Variants in GPC6 observed in about 807,000 individuals in gnomAD.
GPC6 encodes glypican 6, also known as glypican-6.
Under a neutral mutation model 55.2 loss-of-function variants are expected in GPC6, and 14 were observed. That is an observed-to-expected ratio of 0.25 (90% CI 0.17 to 0.40). The LOEUF (loss-of-function observed/expected upper bound fraction) is 0.40, where lower values mean the gene tolerates loss of function less well. GPC6 is among the 10% of genes least tolerant of loss of function. The pLI, the probability that GPC6 is intolerant of heterozygous loss-of-function variation, is 1.00. For synonymous variants in GPC6, 278 were observed against 259.6 expected (o/e 1.07, Z -0.68); for missense variants, 641 against 708.5 (o/e 0.90, Z 1.08).
At chr13:93,293,846 C>T (rs767633518) in intron 1 of GPC6, among the ~76,000 whole-genome samples, 1 of 151,250 alleles carries the variant, frequency 6.6e-6, no homozygotes, top group Non-Finnish European at 1.5e-5. Flanking sequence ...TCATTTCCTT[C>T]TAAGCATCTC....
At chr13:93,499,043 T>G (rs1880416414) in intron 1 of GPC6, among the ~76,000 whole-genome samples, 1 of 151,936 alleles carries the variant, frequency 6.6e-6, no homozygotes, top group African/African-American at 2.4e-5. Context: ...GAAATGTATT[T>G]GAGTAAGGAA....
intron 1 of GPC6, among the ~76,000 whole-genome samples, chr13:93,312,106 T>C (rs1031641113): frequency 2.0e-5 from 3 of 152,330 alleles, no homozygotes; most frequent in Admixed American, 6.5e-5. Context: ...ATCTATCTTA[T>C]GTGAAATTGG....
intron 4 of GPC6, among the ~76,000 whole-genome samples, chr13:94,099,423 G>A (rs1885775265): frequency 6.6e-6 from 1 of 151,906 alleles, no homozygotes; most frequent in African/African-American, 2.4e-5. Flanking sequence ...GGTATTTTTT[G>A]CATATTATGG....
At chr13:93,396,085 G>T (rs1361593837) in intron 1 of GPC6, among the ~76,000 whole-genome samples, 1 of 152,054 alleles carries the variant, frequency 6.6e-6, no homozygotes, top group East Asian at 1.9e-4. Context: ...TGACCTACTG[G>T]TATCAACATT....
At chr13:94,010,886 A>G (rs1387743014) in intron 3 of GPC6, among the ~76,000 whole-genome samples, 5 of 152,170 alleles carry the variant, frequency 3.3e-5, no homozygotes, top group South Asian at 2.1e-4. Flanking sequence ...AGGATTTTTC[A>G]TAGGAAAATG....
intron 4 of GPC6, among the ~76,000 whole-genome samples, chr13:94,241,904 A>T (rs1891064113): frequency 2.0e-5 from 3 of 150,934 alleles, no homozygotes; most frequent in Non-Finnish European, 3.0e-5. Context: ...TTTTCTTTTT[A>T]ATGTATTTTT....
chr13:93,607,277 G>A (rs1203033888), intron 2 of GPC6, among the ~76,000 whole-genome samples: 1 of 152,024 alleles, frequency 6.6e-6, no homozygotes, highest in African/African-American at 2.4e-5. Flanking sequence ...AATTTGCTTT[G>A]GGAGCAAAAA....
intron 2 of GPC6, among the ~76,000 whole-genome samples, chr13:93,557,487 A>G (rs543400659): frequency 6.6e-6 from 1 of 152,336 alleles, no homozygotes; most frequent in East Asian, 1.9e-4. Context: ...AGATAAAAAC[A>G]TACAATAAGA....
intron 4 of GPC6, among the ~76,000 whole-genome samples, chr13:94,221,789 G>A (rs1255690714): frequency 1.3e-5 from 2 of 152,044 alleles, no homozygotes; most frequent in African/African-American, 4.8e-5. Context: ...TGATTAACAA[G>A]AGGAAAGCTC....
chr13:93,539,904 T>A (rs1322731958), intron 1 of GPC6, among the ~76,000 whole-genome samples: 2 of 152,094 alleles, frequency 1.3e-5, no homozygotes, highest in African/African-American at 4.8e-5. Flanking sequence ...TTGGTCAGGC[T>A]GGTCTCAAAC....
intron 4 of GPC6, among the ~76,000 whole-genome samples, chr13:94,099,079 A>G (rs1885760873): frequency 6.6e-6 from 1 of 152,170 alleles, no homozygotes; most frequent in Non-Finnish European, 1.5e-5. Flanking sequence ...ACTAATTCAC[A>G]GAGACTCTTT....
intron 7 of GPC6, among the ~76,000 whole-genome samples, chr13:94,384,546 TA>T (rs754743533): frequency 1.3e-4 from 20 of 149,116 alleles, no homozygotes; most frequent in Non-Finnish European, 2.6e-4. Context: ...CAAAAGGAAA[TA>T]TTTTTTTAAA....
chr13:93,426,523 G>T (rs61964168), intron 1 of GPC6, among the ~76,000 whole-genome samples: 5 of 151,634 alleles, frequency 3.3e-5, no homozygotes, highest in Non-Finnish European at 5.9e-5. Context: ...TTACTGAGAA[G>T]GATGATTTCC....
At chr13:93,224,607 T>C (rs550564022), upstream of GPC6, among the ~76,000 whole-genome samples, 4 of 152,340 alleles carry the variant, frequency 2.6e-5, no homozygotes, top group Admixed American at 2.0e-4. Context: ...CTAAACCAGA[T>C]GCCTGCTCCT....
At chr13:93,652,125 C>A (rs1880446242) in intron 2 of GPC6, among the ~76,000 whole-genome samples, 1 of 152,188 alleles carries the variant, frequency 6.6e-6, no homozygotes, top group Non-Finnish European at 1.5e-5. Context: ...TTTCCAATAA[C>A]TTGTTCACAA....
chr13:93,306,062 A>G (rs1351724191), intron 1 of GPC6, among the ~76,000 whole-genome samples: 1 of 152,230 alleles, frequency 6.6e-6, no homozygotes, highest in Non-Finnish European at 1.5e-5. Flanking sequence ...TAATCCACAG[A>G]GTTTATAACA....
chr13:94,387,037 T>C (rs1330675524), intron 7 of GPC6, among the ~76,000 whole-genome samples: 1 of 152,246 alleles, frequency 6.6e-6, no homozygotes, highest in Non-Finnish European at 1.5e-5. Context: ...AAAGCTGTTA[T>C]TAAGTAATGG....
At chr13:93,583,637 A>G (rs7994358) in intron 2 of GPC6, among the ~76,000 whole-genome samples, 9,478 of 152,164 alleles carry the variant, frequency 0.062, 946 homozygotes, top group African/African-American at 0.21. Flanking sequence ...AGCTGGTCTC[A>G]AGCTCCTGAC....
chr13:94,198,272 G>T (rs1889642925), intron 4 of GPC6, among the ~76,000 whole-genome samples: 1 of 152,110 alleles, frequency 6.6e-6, no homozygotes, highest in South Asian at 2.1e-4. Flanking sequence ...CCTAATGCAG[G>T]TAATGGATTG....
Sources: allele counts gnomAD v4.1 joint callset (sites outside exome capture counted in the v4.1 genomes callset), GRCh38; gene constraint gnomAD v4.1.1; transcripts MANE v1.5; gene names NCBI Gene and HGNC (gene_info 2026-07-23, HGNC 2026-07-21).